UPRT: variants seen among roughly 807,000 people sequenced by gnomAD.
UPRT encodes RP11-311P8.3.
UPRT carries 5 observed loss-of-function variants against 22.6 expected under a neutral mutation model. That is an observed-to-expected ratio of 0.22 (90% CI 0.12 to 0.47). UPRT has a LOEUF of 0.47. Among genes scored for constraint, UPRT ranks in the 20% least tolerant of loss-of-function variants. UPRT has a pLI of 0.99. For missense variants in UPRT, 181 were observed against 239.9 expected (o/e 0.75, Z 1.62); for synonymous variants, 77 against 87.7 (o/e 0.88, Z 0.68).
chrX:75,175,063 C>T, intron 4 of UPRT, among the ~76,000 whole-genome samples: 1 of 110,571 alleles, frequency 9.0e-6, no homozygotes. Flanking sequence ...CTTACTTCTG[C>T]CAGCCACTTA....
intron 4 of UPRT, among the ~76,000 whole-genome samples, chrX:75,187,877 C>A (rs781569160): frequency 1.8e-5 from 2 of 112,260 alleles, no homozygotes; most frequent in African/African-American, 6.5e-5. Context: ...GCTCCATCAG[C>A]TCCTTTAAGC....
At chrX:75,217,427 G>T (rs1052999883) in intron 4 of UPRT, among the ~76,000 whole-genome samples, 3 of 111,126 alleles carry the variant, frequency 2.7e-5, no homozygotes, top group Non-Finnish European at 5.7e-5. Context: ...TTGATTCTTC[G>T]TACCCATGAG....
chrX:75,259,499 A>T (rs1344077570), intron 4 of UPRT, among the ~76,000 whole-genome samples: 1 of 108,043 alleles, frequency 9.3e-6, no homozygotes, highest in Non-Finnish European at 1.9e-5. Flanking sequence ...CAAGCAGAAG[A>T]AAGGATATCA....
At chrX:75,160,215 T>A (rs1421965264) in intron 1 of UPRT, among the ~76,000 whole-genome samples, 1 of 111,909 alleles carries the variant, frequency 8.9e-6, no homozygotes. Context: ...GATAAATAGG[T>A]TTGATTTTCC....
chrX:75,282,165 A>C (rs1232116002), intron 1 of UPRT, among the ~76,000 whole-genome samples: 1 of 110,691 alleles, frequency 9.0e-6, no homozygotes, highest in African/African-American at 3.3e-5. Flanking sequence ...CTTCTTGGTT[A>C]ATCTTGCTAA....
At chrX:75,252,522 C>T (rs1316346590) in intron 4 of UPRT, among the ~76,000 whole-genome samples, 1 of 112,020 alleles carries the variant, frequency 8.9e-6, no homozygotes, top group Non-Finnish European at 1.9e-5. Context: ...GAATGGCGAT[C>T]ATTAAAAAGT....
chrX:75,263,241 G>A (rs920437734), intron 4 of UPRT, among the ~76,000 whole-genome samples: 20 of 111,796 alleles, frequency 1.8e-4, no homozygotes, highest in African/African-American at 6.2e-4. Flanking sequence ...CATAAAATGA[G>A]TTAGGGAGGA....
At chrX:75,159,385 GTTTC>G (rs1177403577) in intron 1 of UPRT, among the ~76,000 whole-genome samples, 1 of 112,012 alleles carries the variant, frequency 8.9e-6, no homozygotes, top group Non-Finnish European at 1.9e-5. Context: ...AAAGCTAAAT[GTTTC>G]TTTATTTGAT....
chrX:75,238,302 TAGACA>T (rs2082476709), intron 4 of UPRT, among the ~76,000 whole-genome samples: 2 of 110,930 alleles, frequency 1.8e-5, no homozygotes, highest in Admixed American at 9.7e-5. Flanking sequence ...TCCATACAAA[TAGACA>T]CCCACAGCAA....
chrX:75,220,429 T>A (rs1281237154), intron 4 of UPRT, among the ~76,000 whole-genome samples: 1 of 111,461 alleles, frequency 9.0e-6, no homozygotes, highest in Non-Finnish European at 1.9e-5. Flanking sequence ...AAATAAGGAC[T>A]TACTCTTGCC....
At chrX:75,273,114 G>A (rs1440721256), upstream of UPRT, among the ~76,000 whole-genome samples, 2 of 111,257 alleles carry the variant, frequency 1.8e-5, no homozygotes, top group African/African-American at 3.3e-5. Context: ...TTATAAGTGG[G>A]AGCTAAATGA....
intron 4 of UPRT, among the ~76,000 whole-genome samples, chrX:75,179,879 C>T (rs761652285): frequency 8.0e-5 from 9 of 112,860 alleles, no homozygotes; most frequent in East Asian, 5.6e-4. Flanking sequence ...CATGCAGCCC[C>T]GGTTCCCGCT....
chrX:75,201,974 T>A (rs2082348377), intron 4 of UPRT, among the ~76,000 whole-genome samples: 1 of 111,437 alleles, frequency 9.0e-6, no homozygotes, highest in South Asian at 3.8e-4. Flanking sequence ...AATAAAAACT[T>A]TAAACCTCTT....
chrX:75,273,921 A>T (rs988711376), upstream of UPRT, among the ~76,000 whole-genome samples: 1 of 111,717 alleles, frequency 9.0e-6, no homozygotes, highest in Non-Finnish European at 1.9e-5. Flanking sequence ...AGATCCTTCA[A>T]GCTGGCATCC....
intron 4 of UPRT, among the ~76,000 whole-genome samples, chrX:75,215,664 A>G (rs1190875934): frequency 9.0e-6 from 1 of 111,496 alleles, no homozygotes; most frequent in East Asian, 2.8e-4. Context: ...CATCCAAAAT[A>G]AATATATAAT....
At position 75,284,163 on chromosome X, in the gene UPRT, G is replaced by C. The variant is rs760748709; in HGVS notation, c.387-9309G>C. 7.2e-5 allele frequency among the ~76,000 whole-genome samples: 8 copies of C among 111,072 alleles called. No individual in the cohort carries two copies. The East Asian group carries it at 2.3e-3, about 32-fold the overall frequency. On this transcript the variant is annotated intron_variant, in intron 1 of 6. Coordinates refer to ENST00000373383, the MANE Select transcript of UPRT (RefSeq NM_145052.4). ...CTAAATTTTTGATTGTTTTTTCTTT[G>C]AGCTATCTGTTTCCTTGAATATTTC...
At chrX:75,156,472 CACA>C (rs1053813900) in exon 1 of UPRT, 1 of 493,852 alleles carries the variant, frequency 2.0e-6, no homozygotes, top group African/African-American at 2.4e-5. Flanking sequence ...GTTTTCCTTA[CACA>C]ACCGGGAATA....
intron 1 of UPRT, chrX:75,285,504 T>C (rs760164110): frequency 8.9e-6 from 1 of 111,895 alleles, no homozygotes; most frequent in Non-Finnish European, 1.9e-5. Context: ...CACTCGGCTC[T>C]CTAAATTGAC....
chrX:75,284,208 G>A (rs1210514570), intron 1 of UPRT, among the ~76,000 whole-genome samples: 10 of 111,101 alleles, frequency 9.0e-5, no homozygotes, highest in Admixed American at 7.7e-4. Context: ...TTCTTGTATC[G>A]TTTTTGGATT....
Sources: allele counts gnomAD v4.1 joint callset (sites outside exome capture counted in the v4.1 genomes callset), GRCh38; gene constraint gnomAD v4.1.1; transcripts MANE v1.5; gene names NCBI Gene and HGNC (gene_info 2026-07-23, HGNC 2026-07-21).